The following PCDH9 variants were observed in gnomAD, a reference collection of about 807,000 sequenced individuals.
PCDH9 encodes the protein protocadherin-9.
In PCDH9, 24 loss-of-function variants were observed where a neutral mutation model predicts 70.6. The ratio of observed to expected loss-of-function variants is 0.34; its 90% CI spans 0.25 to 0.48. The LOEUF (loss-of-function observed/expected upper bound fraction) is 0.48, where lower values mean the gene tolerates loss of function less well. Ranked by LOEUF, PCDH9 falls within the 20% of genes least tolerant of loss-of-function variation. PCDH9 has a pLI of 0.99. For synonymous variants in PCDH9, 562 were observed against 558.5 expected, an observed-to-expected ratio of 1.01 and a Z score of -0.09; for missense variants, 1,281 against 1,503.6, an observed-to-expected ratio of 0.85 and a Z score of 2.45.
rs201828983 is a variant in PCDH9 at position 66,747,006 on chromosome 13, C to A, written c.3139-115595G>T. On this transcript the variant is annotated intron_variant, in intron 3 of 4. Coordinates refer to ENST00000377865, the MANE Select transcript of PCDH9 (RefSeq NM_203487.3). ...AGCATATCATTTTAAACATTTTATT[C>A]AAAAAAACTGTATCTATAATGGAAT... is the stretch of plus-strand genomic sequence containing the variant. Among the ~76,000 whole-genome samples the A allele has an allele frequency of 3.3e-3, 504 of 151,896 alleles. 5 individuals are homozygous for A. Among genetic ancestry groups the A allele is most frequent in the African/African-American group, 0.012 (486 of 41,392 alleles).
intron 3 of PCDH9, among the ~76,000 whole-genome samples, chr13:66,873,355 C>T (rs1007957300): frequency 6.6e-6 from 1 of 152,068 alleles, no homozygotes; most frequent in African/African-American, 2.4e-5. Context: ...CTTCATCCTA[C>T]ATTTAAAGTA....
At chr13:67,051,568 A>G (rs977947275) in intron 2 of PCDH9, among the ~76,000 whole-genome samples, 3 of 151,424 alleles carry the variant, frequency 2.0e-5, no homozygotes, top group Non-Finnish European at 4.4e-5. Context: ...AATTTTTTGT[A>G]TTTTTAGTAG....
At chr13:67,019,506 C>G (rs1041647020) in intron 2 of PCDH9, among the ~76,000 whole-genome samples, 4 of 151,328 alleles carry the variant, frequency 2.6e-5, no homozygotes, top group African/African-American at 9.8e-5. Context: ...CGCAGTTGCT[C>G]TTAAACAAAC....
chr13:66,855,910 G>T (rs1384169804), intron 3 of PCDH9, among the ~76,000 whole-genome samples: 1 of 151,750 alleles, frequency 6.6e-6, no homozygotes, highest in East Asian at 1.9e-4. Context: ...TAAAACCTTA[G>T]AAATTCTATA....
At chr13:66,593,250 G>A (rs1252006824) in intron 4 of PCDH9, among the ~76,000 whole-genome samples, 1 of 151,704 alleles carries the variant, frequency 6.6e-6, no homozygotes, top group African/African-American at 2.4e-5. Flanking sequence ...CATTTTGCAA[G>A]GCAATTTTAA....
At chr13:67,206,730 C>T (rs1347974103) in intron 2 of PCDH9, 2 of 152,112 alleles carry the variant, frequency 1.3e-5, no homozygotes, top group Admixed American at 6.6e-5. Flanking sequence ...GCAGAGATGC[C>T]TGGTGGTTGC....
chr13:66,319,646 C>G (rs1163275572), intron 4 of PCDH9, among the ~76,000 whole-genome samples: 1 of 151,918 alleles, frequency 6.6e-6, no homozygotes, highest in Non-Finnish European at 1.5e-5. Context: ...TATCATTACC[C>G]CTAGGCCTGA....
At chr13:67,024,097 A>T (rs1335661107) in intron 2 of PCDH9, among the ~76,000 whole-genome samples, 1 of 152,166 alleles carries the variant, frequency 6.6e-6, no homozygotes, top group Non-Finnish European at 1.5e-5. Flanking sequence ...CTATTAGCTC[A>T]TGTATTAATC....
intron 2 of PCDH9, among the ~76,000 whole-genome samples, chr13:67,152,212 T>C (rs906299076): frequency 1.3e-5 from 2 of 152,182 alleles, no homozygotes; most frequent in African/African-American, 4.8e-5. Flanking sequence ...TTACTGTTGA[T>C]AGGAAACGGA....
At chr13:66,963,909 T>C (rs2083390471) in intron 2 of PCDH9, among the ~76,000 whole-genome samples, 2 of 152,154 alleles carry the variant, frequency 1.3e-5, no homozygotes, top group African/African-American at 4.8e-5. Context: ...AGGTGTAACA[T>C]GTTAGATGTT....
intron 3 of PCDH9, among the ~76,000 whole-genome samples, chr13:66,832,185 G>A (rs2080939134): frequency 6.6e-6 from 1 of 152,032 alleles, no homozygotes; most frequent in Non-Finnish European, 1.5e-5. Context: ...AAAAATTAAT[G>A]ATTATAAATA....
At position 67,165,229 on chromosome 13, in the gene PCDH9, A is replaced by C. The variant is rs186647828; in HGVS notation, c.3036+60176T>G. On this transcript the variant is annotated intron_variant, in intron 2 of 4. Transcript: ENST00000377865. ...TGATGAATAAAAAAAGTTTGAGCTA[A>C]ATCCTAAATTACAATGTGTTTATAC... 5.2e-4 allele frequency among the ~76,000 whole-genome samples: 79 copies of C among 152,256 alleles called. No homozygotes were observed. The East Asian group carries it at 5.2e-3, about 10-fold the overall frequency.
At chr13:66,700,124 C>T (rs1054140074) in intron 3 of PCDH9, among the ~76,000 whole-genome samples, 15 of 152,200 alleles carry the variant, frequency 9.9e-5, no homozygotes, top group African/African-American at 3.6e-4. Context: ...TTAACGTGCA[C>T]CTACTGTAGC....
chr13:66,757,997 C>A (rs1315367630), intron 3 of PCDH9, among the ~76,000 whole-genome samples: 1 of 151,794 alleles, frequency 6.6e-6, no homozygotes, highest in Non-Finnish European at 1.5e-5. Context: ...AATGAACATA[C>A]AAATAATCCA....
chr13:67,009,376 G>T (rs145891992), intron 2 of PCDH9, among the ~76,000 whole-genome samples: 1 of 152,028 alleles, frequency 6.6e-6, no homozygotes, highest in Non-Finnish European at 1.5e-5. Context: ...GATAGAGGTG[G>T]GTTTATTGGG....
Position 67,225,940 on chromosome 13 carries a change from A to G in PCDH9, c.2501T>C (p.Val834Ala). 2 of 1,614,106 alleles carry G rather than the reference A, an allele frequency of 1.2e-6. No homozygotes were observed. The highest frequency in any genetic ancestry group is 1.7e-6 in the Non-Finnish European group (2 of 1,180,030). ...TGATGCATGGCGACAGCGCACCAGA[A>G]CGGTGACGAAGATCACAACAATGAC... ...MVVIVVIFVT[V>A]LVRCRHASRF... is the part of the protein sequence containing the mutation. Residue 834 changes from valine to alanine, a missense_variant, in exon 2 of 5, where the codon GTT (valine) becomes GCT (alanine). Val to Ala is a moderately conservative substitution (Grantham distance 64). Transcript: ENST00000377865.
rs1391761683 is a variant in PCDH9, at chr13:67,125,839, A to ATG, written c.3036+99565_3036+99566insCA. ...TTAATTTAAAAATGTGTGTATATAT[A>ATG]TATGTGTGTGTGTGTGTGTGTGTAT... On this transcript the variant is annotated intron_variant, in intron 2 of 4. Transcript: ENST00000377865. Among the ~76,000 whole-genome samples the ATG allele has an allele frequency of 3.9e-3, 568 of 146,648 alleles. 5 individuals are homozygous for ATG. Among genetic ancestry groups the ATG allele is most frequent in the African/African-American group, 0.013 (547 of 40,870 alleles).
chr13:66,869,505 T>C (rs368747060), intron 3 of PCDH9, among the ~76,000 whole-genome samples: 3 of 152,282 alleles, frequency 2.0e-5, no homozygotes, highest in South Asian at 4.1e-4. Flanking sequence ...TTTCTTAGAT[T>C]ATAAAGACTG....
chr13:66,750,820 A>C (rs1005368767), intron 3 of PCDH9, among the ~76,000 whole-genome samples: 2 of 152,142 alleles, frequency 1.3e-5, no homozygotes, highest in South Asian at 4.1e-4. Flanking sequence ...CCCATAAAAC[A>C]TTAGCAAAAG....
Sources: gnomAD v4.1 joint callset for allele counts (sites outside exome capture counted in the v4.1 genomes callset) on GRCh38, gnomAD v4.1.1 for gene constraint, MANE v1.5 for transcripts, NCBI Gene and HGNC (gene_info 2026-07-23, HGNC 2026-07-21) for gene names.